FBXO42: variants seen among roughly 807,000 people sequenced by gnomAD.
FBXO42 encodes the protein F-box protein 42, also known as F-box only protein 42.
In FBXO42, 12 loss-of-function variants were observed where a neutral mutation model predicts 71.7. That is an observed-to-expected ratio of 0.17 (90% CI 0.11 to 0.27). FBXO42 has a LOEUF of 0.27. Among genes scored for constraint, FBXO42 ranks in the 10% least tolerant of loss-of-function variants. The pLI, the probability that FBXO42 is intolerant of heterozygous loss-of-function variation, is 1.00. For synonymous variants in FBXO42, 325 were observed against 327.5 expected (o/e 0.99, Z 0.08); for missense variants, 707 against 911.9 (o/e 0.78, Z 2.89).
chr1:16,306,435 G>C (rs2082251798), intron 2 of FBXO42, among the ~76,000 whole-genome samples: 1 of 152,146 alleles, frequency 6.6e-6, no homozygotes, highest in Non-Finnish European at 1.5e-5. Flanking sequence ...TGGAGGTTAG[G>C]TGACATTAAA....
In FBXO42 at chr1:16,327,023, C is replaced by G. The variant is rs375695139; in HGVS notation, c.-17-11588G>C. On this transcript the variant is annotated intron_variant, in intron 1 of 9. Transcript: ENST00000375592. Reference sequence around the variant, plus strand: ...CACCATCTCTCTCTATGACCCACTTCTAAATGTCATTTTAACTTCCTTTTT... The same window carrying G: ...CACCATCTCTCTCTATGACCCACTTGTAAATGTCATTTTAACTTCCTTTTT... Among the ~76,000 whole-genome samples, 44 of 152,290 alleles carry G rather than the reference C, an allele frequency of 2.9e-4. 1 individual carries two copies. The highest frequency in any genetic ancestry group is 1.0e-3 in the African/African-American group (42 of 41,574).
At chr1:16,290,021 G>C (rs1257486036) in intron 4 of FBXO42, among the ~76,000 whole-genome samples, 1 of 152,114 alleles carries the variant, frequency 6.6e-6, no homozygotes, top group African/African-American at 2.4e-5. Flanking sequence ...TACAATATAA[G>C]CTCCATGAGG....
At chr1:16,282,584 C>T (rs888260019) in intron 4 of FBXO42, among the ~76,000 whole-genome samples, 1 of 151,580 alleles carries the variant, frequency 6.6e-6, no homozygotes, top group South Asian at 2.1e-4. Flanking sequence ...GTGGCTCATG[C>T]CTAAAATCCT....
chr1:16,251,477 T>G lies in FBXO42; in HGVS notation c.1347A>C (p.Ala449=). 1 of 1,614,162 alleles carries G rather than the reference T, an allele frequency of 6.2e-7. No homozygotes were observed. The highest frequency in any genetic ancestry group is 8.5e-7 in the Non-Finnish European group (1 of 1,180,014). Residue 449 remains alanine (A), a synonymous_variant, in exon 10 of 10, where the codon GCA becomes GCC. Coordinates refer to ENST00000375592, the MANE Select transcript of FBXO42 (RefSeq NM_018994.3). The surrounding 1 kb of genome is among the most constrained non-coding windows in gnomAD (Gnocchi z 4.5). ...LNGGSLSPGT[A]AVGGSSLDSP... is the part of the protein sequence containing the mutation. ...TGTCCAAAGAAGAGCCACCCACAGC[T>G]GCCGTTCCTGGAGACAAACTCCCAC...
Position 16,251,425 on chromosome 1 carries a change from T to C in FBXO42, c.1399A>G (p.Thr467Ala). 6.2e-7 allele frequency: 1 copy of C among 1,613,704 alleles called. No individual in the cohort carries two copies. The highest frequency in any genetic ancestry group is 1.1e-5 in the South Asian group (1 of 91,058). ...TCGTATCCTTCAGGAGCAGATGGAG[T>C]ACTTGGAGATATGGCCTGTACAGGA... ...DSPVQAISPS[T>A]PSAPEGYDLK... Residue 467 changes from threonine (T) to alanine (A), a missense_variant, in exon 10 of 10, where the codon ACT becomes GCT. Coordinates refer to ENST00000375592, the MANE Select transcript of FBXO42 (RefSeq NM_018994.3). The surrounding 1 kb of genome is among the most constrained non-coding windows in gnomAD (Gnocchi z 4.5).
In FBXO42 at chr1:16,346,883, T is replaced by A. The variant is rs111862621; in HGVS notation, c.-18+5372A>T. On this transcript the variant is annotated intron_variant, in intron 1 of 9. Coordinates refer to ENST00000375592, the MANE Select transcript of FBXO42 (RefSeq NM_018994.3). ...GATTCTCCTGGCTCAGCCTCCTAGG[T>A]AACTGGGATTACAGGCACACACTAA... Among the ~76,000 whole-genome samples the A allele has an allele frequency of 5.2e-3, 775 of 150,204 alleles. 8 individuals carry two copies. Among genetic ancestry groups the A allele is most frequent in the African/African-American group, 0.018 (739 of 40,928 alleles).
In FBXO42 at chr1:16,341,425, C is replaced by T. The variant is rs376636575; in HGVS notation, c.-18+10830G>A. On this transcript the variant is annotated intron_variant, in intron 1 of 9. Coordinates refer to ENST00000375592, the MANE Select transcript of FBXO42 (RefSeq NM_018994.3). ...GACCAGCCTGACCAACATGGTAAAACACCGTCTCTACTGAAAATGCAAAAA... is the reference window on the plus strand; with the variant it reads ...GACCAGCCTGACCAACATGGTAAAATACCGTCTCTACTGAAAATGCAAAAA... Among the ~76,000 whole-genome samples the T allele has an allele frequency of 3.4e-4, 51 of 150,074 alleles. 1 individual carries two copies. The East Asian group carries it at 7.6e-3, about 22-fold the overall frequency.
intron 4 of FBXO42, among the ~76,000 whole-genome samples, chr1:16,280,620 T>C (rs2081952912): frequency 6.6e-6 from 1 of 152,074 alleles, no homozygotes; most frequent in African/African-American, 2.4e-5. Context: ...CTCTCTCTGT[T>C]CTATTCTAAA....
At chr1:16,331,350 G>C (rs993621755) in intron 1 of FBXO42, among the ~76,000 whole-genome samples, 2 of 151,972 alleles carry the variant, frequency 1.3e-5, no homozygotes, top group Non-Finnish European at 2.9e-5. Flanking sequence ...GGGAGGCAGA[G>C]CTTGCAGTGA....
At chr1:16,295,714 C>T (rs1327138897) in intron 3 of FBXO42, among the ~76,000 whole-genome samples, 3 of 152,090 alleles carry the variant, frequency 2.0e-5, no homozygotes, top group African/African-American at 7.2e-5. Context: ...CTTTATATGA[C>T]ACACAATGAA....
intron 1 of FBXO42, among the ~76,000 whole-genome samples, chr1:16,337,360 G>A (rs1204353135): frequency 1.3e-5 from 2 of 152,092 alleles, no homozygotes; most frequent in Non-Finnish European, 2.9e-5. Context: ...AACAGGTATT[G>A]AGAACATGTG....
intron 1 of FBXO42, among the ~76,000 whole-genome samples, chr1:16,348,453 C>T (rs1371181220): frequency 6.6e-6 from 1 of 152,132 alleles, no homozygotes; most frequent in African/African-American, 2.4e-5. Flanking sequence ...AATCCCAGCA[C>T]TTTGGGAGGC....
chr1:16,267,685 C>T (rs1374030868), intron 4 of FBXO42, among the ~76,000 whole-genome samples: 1 of 152,164 alleles, frequency 6.6e-6, no homozygotes, highest in African/African-American at 2.4e-5. Flanking sequence ...TGTAAAAAGG[C>T]CAGAAAAGTT....
At chr1:16,266,982 G>A (rs1015787225) in intron 4 of FBXO42, among the ~76,000 whole-genome samples, 1 of 152,124 alleles carries the variant, frequency 6.6e-6, no homozygotes, top group Non-Finnish European at 1.5e-5. Context: ...GCAATACTTC[G>A]TAAGGGCAAC....
chr1:16,271,064 G>C (rs1017255949), intron 4 of FBXO42, among the ~76,000 whole-genome samples: 3 of 152,052 alleles, frequency 2.0e-5, no homozygotes, highest in Non-Finnish European at 4.4e-5. Context: ...GTAAAGGAGA[G>C]AGTCACAAGG....
In FBXO42 at chr1:16,323,158, C is replaced by T. The variant is rs11804986; in HGVS notation, c.-17-7723G>A. Among the ~76,000 whole-genome samples the T allele has an allele frequency of 6.2e-3, 942 of 152,318 alleles. 5 individuals are homozygous for T. The highest frequency in any genetic ancestry group is 0.022 in the African/African-American group (903 of 41,560). On this transcript the variant is annotated intron_variant, in intron 1 of 9. Coordinates refer to ENST00000375592, the MANE Select transcript of FBXO42 (RefSeq NM_018994.3). ...AATTGGCCAGGCACAGTGGCTCACGCCTGTAATCCCAGCACTTTGGGAGGC... is the reference window on the plus strand; with the variant it reads ...AATTGGCCAGGCACAGTGGCTCACGTCTGTAATCCCAGCACTTTGGGAGGC...
chr1:16,306,318 A>G (rs1557594209), intron 2 of FBXO42, among the ~76,000 whole-genome samples: 1 of 152,184 alleles, frequency 6.6e-6, no homozygotes, highest in African/African-American at 2.4e-5. Flanking sequence ...CGCCCAGCCT[A>G]TAAGACAAGT....
At chr1:16,276,018 A>G (rs1012202425) in intron 4 of FBXO42, among the ~76,000 whole-genome samples, 2 of 152,150 alleles carry the variant, frequency 1.3e-5, no homozygotes, top group Non-Finnish European at 2.9e-5. Flanking sequence ...GGTGATATTT[A>G]TAAGTCAATA....
intron 3 of FBXO42, among the ~76,000 whole-genome samples, chr1:16,297,532 G>A (rs941247856): frequency 6.6e-6 from 1 of 152,070 alleles, no homozygotes; most frequent in East Asian, 1.9e-4. Context: ...GCTCACACCT[G>A]CAAAATATTT....
Sources: gnomAD v4.1 joint callset for allele counts (sites outside exome capture counted in the v4.1 genomes callset) on GRCh38, gnomAD v4.1.1 for gene constraint, Gnocchi (gnomAD v3.1) non-coding constraint, MANE v1.5 for transcripts, NCBI Gene and HGNC (gene_info 2026-07-23, HGNC 2026-07-21) for gene names.